Variants in DNAH12 observed in about 807,000 individuals in gnomAD.
DNAH12 encodes the protein dynein axonemal heavy chain 12, also known as axonemal beta dynein heavy chain 12.
In DNAH12, 285 loss-of-function variants were observed where a neutral mutation model predicts 371.5. The ratio of observed to expected loss-of-function variants is 0.77; its 90% CI spans 0.70 to 0.85. DNAH12 has a LOEUF of 0.85. Ranked by LOEUF, DNAH12 falls within the 40% of genes least tolerant of loss-of-function variation. DNAH12 has a pLI of 0.00. For missense variants in DNAH12, 3,611 were observed against 3,689.4 expected, an observed-to-expected ratio of 0.98 and a Z score of 0.55; for synonymous variants, 1,200 against 1,213.0, an observed-to-expected ratio of 0.99 and a Z score of 0.22.
intron 34 of DNAH12, among the ~76,000 whole-genome samples, chr3:57,426,948 G>GA (rs1335527204): frequency 1.3e-5 from 2 of 151,754 alleles, no homozygotes; most frequent in African/African-American, 4.8e-5. Flanking sequence ...TATAGCATTA[G>GA]AGTTTTAAAA....
At chr3:57,382,844 A>G (rs2063422884) in intron 49 of DNAH12, among the ~76,000 whole-genome samples, 2 of 152,210 alleles carry the variant, frequency 1.3e-5, no homozygotes, top group African/African-American at 2.4e-5. Context: ...ATATATTGTT[A>G]TAATAGATAG....
At chr3:57,335,076 C>A (rs2062191229) in intron 60 of DNAH12, 136 bp from the exon 61 acceptor site, 1 of 920,288 alleles carries the variant, frequency 1.1e-6, no homozygotes, top group South Asian at 2.0e-5. Flanking sequence ...GAAAACTGGA[C>A]AAAATTAATG....
At chr3:57,538,588 C>T (rs2069148793) in intron 2 of DNAH12, among the ~76,000 whole-genome samples, 2 of 152,326 alleles carry the variant, frequency 1.3e-5, no homozygotes, top group Middle Eastern at 3.4e-3. Context: ...GTGCTTATGA[C>T]ATCCTGCTCT....
chr3:57,309,369 C>G, intron 68 of DNAH12, 115 bp from the exon 69 acceptor site: 1 of 835,450 alleles, frequency 1.2e-6, no homozygotes, highest in Non-Finnish European at 1.8e-6. Flanking sequence ...TAGCTCATAA[C>G]GTACAGTAAT....
intron 40 of DNAH12, among the ~76,000 whole-genome samples, chr3:57,407,818 C>T (rs1553681771): frequency 6.6e-6 from 1 of 151,982 alleles, no homozygotes; most frequent in African/African-American, 2.4e-5. Context: ...TTCATTGCTA[C>T]TTATAAATTA....
chr3:57,371,673 A>G (rs958043954), intron 55 of DNAH12, among the ~76,000 whole-genome samples: 21 of 150,122 alleles, frequency 1.4e-4, no homozygotes, highest in African/African-American at 5.2e-4. Flanking sequence ...AAACACGCAC[A>G]CACACACACA....
chr3:57,367,080 C>T (rs1432533637), intron 56 of DNAH12, among the ~76,000 whole-genome samples, 159 bp from the exon 57 acceptor site: 1 of 152,156 alleles, frequency 6.6e-6, no homozygotes, highest in African/African-American at 2.4e-5. Flanking sequence ...ATAATACCAA[C>T]ACTTTGGGAG....
intron 39 of DNAH12, among the ~76,000 whole-genome samples, chr3:57,408,771 T>G (rs1242352689): frequency 1.3e-5 from 2 of 152,190 alleles, no homozygotes; most frequent in African/African-American, 4.8e-5. Context: ...CCTCTTACTT[T>G]TCCCTCTCTT....
At chr3:57,477,523 G>A (rs1281749899) in intron 13 of DNAH12, among the ~76,000 whole-genome samples, 1 of 152,166 alleles carries the variant, frequency 6.6e-6, no homozygotes. Context: ...ACAAAAGGCA[G>A]CAGAATCCTC....
chr3:57,339,200 C>T lies in DNAH12; in HGVS notation c.9675-4260G>A, dbSNP rs1259168512. Among the ~76,000 whole-genome samples the T allele has an allele frequency of 2.6e-5, 4 of 152,166 alleles. No individual in the cohort carries two copies. In the East Asian group the frequency reaches 7.7e-4, roughly 29 times the overall value. On this transcript the variant is annotated intron_variant, in intron 60 of 73. Transcript: ENST00000495027. ...GCAGCATGCTCGTTAAGAGTCATCA[C>T]CACTCCCTTATCTCAAGTACCCAGG...
At chr3:57,487,511 T>C (rs1477010851) in intron 12 of DNAH12, among the ~76,000 whole-genome samples, 1 of 151,858 alleles carries the variant, frequency 6.6e-6, no homozygotes, top group Non-Finnish European at 1.5e-5. Context: ...AGAATCTGAG[T>C]CCTTTGGGCA....
intron 52 of DNAH12, among the ~76,000 whole-genome samples, chr3:57,377,572 T>C (rs2063306341): frequency 6.6e-6 from 1 of 151,964 alleles, no homozygotes; most frequent in Non-Finnish European, 1.5e-5. Flanking sequence ...TAATAAGTGT[T>C]TGTTTAAACA....
At chr3:57,340,902 A>G (rs992968752) in intron 60 of DNAH12, among the ~76,000 whole-genome samples, 5 of 152,178 alleles carry the variant, frequency 3.3e-5, no homozygotes, top group Non-Finnish European at 7.4e-5. Flanking sequence ...AAAATCTTCA[A>G]CAAAATCTGA....
intron 2 of DNAH12, among the ~76,000 whole-genome samples, chr3:57,535,272 C>T (rs754457263): frequency 3.3e-5 from 5 of 152,164 alleles, no homozygotes; most frequent in African/African-American, 4.8e-5. Context: ...ATGCCTCTGT[C>T]CTCATGAATG....
At chr3:57,381,158 A>G (rs1194290612) in intron 50 of DNAH12, among the ~76,000 whole-genome samples, 1 of 152,178 alleles carries the variant, frequency 6.6e-6, no homozygotes, top group African/African-American at 2.4e-5. Context: ...GTAAAAGCAC[A>G]TGCTACATAT....
At position 57,363,638 on chromosome 3, in the gene DNAH12, C is replaced by A. The variant is rs1307277115; in HGVS notation, c.9316G>T (p.Asp3106Tyr). ...LEDESAIKVL[D>Y]SAKMMSNEIT... ...TCATTGGACATCATTTTGGCAGAGT[C>A]TAAGACTTTAATTGCACTTTCATCT... The change falls in exon 58 of 74, where the codon GAC (aspartate) becomes TAC (tyrosine). Residue 3106 changes from aspartate to tyrosine, a missense_variant. Asp to Tyr is a radical substitution (Grantham distance 160). This residue lies in a region of DNAH12 where 2,266 missense variants were observed against 2,236.9 expected (regional missense o/e 1.01). Coordinates refer to ENST00000495027, the MANE Select transcript of DNAH12 (RefSeq NM_001366028.2). 1 of 152,054 alleles carries A rather than the reference C, an allele frequency of 6.6e-6. No homozygotes were observed. The highest frequency in any genetic ancestry group is 1.5e-5 in the Non-Finnish European group (1 of 67,984). The allele number at this position is 152,054 out of a possible 1,614,324, so 9.4% of individuals were successfully genotyped here.
At chr3:57,482,035 CA>C (rs1195461013) in intron 13 of DNAH12, among the ~76,000 whole-genome samples, 1 of 152,108 alleles carries the variant, frequency 6.6e-6, no homozygotes, top group Non-Finnish European at 1.5e-5. Context: ...CCTAAAACAC[CA>C]AAAGCAATGG....
chr3:57,296,152 T>C (rs1022465637), intron 72 of DNAH12, among the ~76,000 whole-genome samples, 192 bp downstream of exon 72: 2 of 152,170 alleles, frequency 1.3e-5, no homozygotes, highest in African/African-American at 4.8e-5. Flanking sequence ...TACTGAAATA[T>C]TGACTAAAAA....
At chr3:57,343,323 C>A (rs990158288) in intron 60 of DNAH12, among the ~76,000 whole-genome samples, 1 of 152,208 alleles carries the variant, frequency 6.6e-6, no homozygotes, top group African/African-American at 2.4e-5. Flanking sequence ...TTTGCCCCAG[C>A]CACTTTGACC....
Sources: gnomAD v4.1 joint callset for allele counts (sites outside exome capture counted in the v4.1 genomes callset) on GRCh38, gnomAD v4.1.1 for gene constraint, gnomAD v4.1.1 regional missense constraint, MANE v1.5 for transcripts, NCBI Gene and HGNC (gene_info 2026-07-23, HGNC 2026-07-21) for gene names.